TENM2: variants seen among roughly 807,000 people sequenced by gnomAD.
The protein encoded by TENM2 is teneurin transmembrane protein 2.
Under a neutral mutation model 245.2 loss-of-function variants are expected in TENM2, and 52 were observed. That is an observed-to-expected ratio of 0.21 (90% CI 0.17 to 0.27). The LOEUF (loss-of-function observed/expected upper bound fraction) is 0.27, where lower values mean the gene tolerates loss of function less well. Ranked by LOEUF, TENM2 falls within the 10% of genes least tolerant of loss-of-function variation. The pLI is 1.00. For synonymous variants in TENM2, 1,363 were observed against 1,438.9 expected, an observed-to-expected ratio of 0.95 and a Z score of 1.19; for missense variants, 3,046 against 3,666.8, an observed-to-expected ratio of 0.83 and a Z score of 4.37.
At chr5:167,226,900 T>C in the TENM2 span, among the ~76,000 whole-genome samples, 1 of 152,008 alleles carries the variant, frequency 6.6e-6, no homozygotes, top group East Asian at 1.9e-4. Context: ...TATTAGATCC[T>C]CTTGCTGGAT....
chr5:167,037,587 C>T, the TENM2 span, among the ~76,000 whole-genome samples: 2 of 152,146 alleles, frequency 1.3e-5, no homozygotes, highest in East Asian at 3.9e-4. Flanking sequence ...CTGTCTCAGA[C>T]CCTAATTCCT....
intron 10 of TENM2, among the ~76,000 whole-genome samples, chr5:168,119,697 A>T (rs1795336482): frequency 6.6e-6 from 1 of 152,174 alleles, no homozygotes; most frequent in African/African-American, 2.4e-5. Context: ...CTTTTCTCTA[A>T]GTCCATCTCC....
intron 3 of TENM2, among the ~76,000 whole-genome samples, chr5:167,930,160 T>C (rs79439132): frequency 0.017 from 2,622 of 152,320 alleles, 71 homozygotes; most frequent in African/African-American, 0.059. Flanking sequence ...AAAAGATCAA[T>C]TGAGTTTGGC....
At chr5:168,150,341 G>A (rs1408457831) in intron 12 of TENM2, among the ~76,000 whole-genome samples, 2 of 152,166 alleles carry the variant, frequency 1.3e-5, no homozygotes. Context: ...CTCCCTTGGA[G>A]GTCCATTTGT....
intron 2 of TENM2, among the ~76,000 whole-genome samples, chr5:167,518,488 T>C (rs548087063): frequency 6.6e-6 from 1 of 152,172 alleles, no homozygotes; most frequent in Non-Finnish European, 1.5e-5. Context: ...GTCAAAACAA[T>C]TGAATGTTTG....
At chr5:167,211,038 G>A in the TENM2 span, among the ~76,000 whole-genome samples, 1 of 152,234 alleles carries the variant, frequency 6.6e-6, no homozygotes, top group Non-Finnish European at 1.5e-5. Flanking sequence ...TGAAAGGGAG[G>A]GACTCAGGGG....
the TENM2 span, among the ~76,000 whole-genome samples, chr5:167,200,941 T>C: frequency 1.3e-5 from 2 of 152,150 alleles, no homozygotes; most frequent in Non-Finnish European, 2.9e-5. Context: ...ATGAATATTA[T>C]ATCCCAAAGG....
chr5:167,863,854 C>G (rs990429977), intron 2 of TENM2, among the ~76,000 whole-genome samples: 1 of 152,126 alleles, frequency 6.6e-6, no homozygotes, highest in Non-Finnish European at 1.5e-5. Context: ...TTTTCAGATA[C>G]AAGGCAATGA....
In TENM2 at chr5:167,766,665, T is replaced by C. The variant is rs560282094; in HGVS notation, c.503-109321T>C. 8.7e-4 allele frequency among the ~76,000 whole-genome samples: 133 copies of C among 152,048 alleles called. 4 individuals are homozygous for C. The highest frequency in any genetic ancestry group is 8.7e-3 in the Admixed American group (133 of 15,278). ...GCTGAGGCGGGCAGATCACCTGAGG[T>C]CAGGAGTTCGAGACCAGCCTGGCCA... On this transcript the variant is annotated intron_variant, in intron 2 of 28. Coordinates refer to ENST00000518659, the Ensembl canonical transcript of TENM2.
intron 27 of TENM2, among the ~76,000 whole-genome samples, chr5:168,253,747 G>A (rs1425719420): frequency 6.6e-6 from 1 of 152,210 alleles, no homozygotes; most frequent in Non-Finnish European, 1.5e-5. Context: ...TTTATAAGCA[G>A]CTATGGACTT....
the TENM2 span, among the ~76,000 whole-genome samples, chr5:167,141,068 C>T: frequency 2.6e-5 from 4 of 152,092 alleles, no homozygotes; most frequent in South Asian, 4.1e-4. Context: ...GTGCAGTTTG[C>T]GCATTTTTCA....
intron 2 of TENM2, among the ~76,000 whole-genome samples, chr5:167,763,246 T>C (rs1016250076): frequency 2.0e-5 from 3 of 152,238 alleles, no homozygotes; most frequent in African/African-American, 7.2e-5. Flanking sequence ...TTGGTTCATA[T>C]TCCATCCTGT....
At chr5:167,604,108 A>G (rs1776852046) in intron 2 of TENM2, among the ~76,000 whole-genome samples, 1 of 152,222 alleles carries the variant, frequency 6.6e-6, no homozygotes, top group Non-Finnish European at 1.5e-5. Flanking sequence ...ATTTAAAAAG[A>G]TAAAAAGAGG....
At position 168,215,289 on chromosome 5, in the gene TENM2, AAG is replaced by A. The variant is rs1257148184; in HGVS notation, c.4078+20_4078+21del. 1 of 1,601,774 alleles carries A rather than the reference AAG, an allele frequency of 6.2e-7. No individual in the cohort carries two copies. Among genetic ancestry groups the A allele is most frequent in the Admixed American group, 1.7e-5 (1 of 59,996 alleles). On this transcript the variant is annotated intron_variant, in intron 21 of 28. Coordinates refer to ENST00000518659, the Ensembl canonical transcript of TENM2. ...GCCCGAGAGGTAAAGGACATCAAGG[AAG>A]AGTCTCCCGCCCCAGATAAAGCTTT...
intron 13 of TENM2, among the ~76,000 whole-genome samples, chr5:168,168,730 C>T (rs1047563969): frequency 2.0e-5 from 3 of 150,702 alleles, no homozygotes; most frequent in Non-Finnish European, 4.4e-5. Flanking sequence ...TGTTTAGGTC[C>T]TTTGTGAATG....
chr5:167,835,001 T>A (rs1486675407), intron 2 of TENM2, among the ~76,000 whole-genome samples: 1 of 152,182 alleles, frequency 6.6e-6, no homozygotes. Context: ...GAGAAAGATG[T>A]TATAGGCTTT....
At chr5:167,891,350 A>C (rs1162101334) in intron 3 of TENM2, among the ~76,000 whole-genome samples, 1 of 152,126 alleles carries the variant, frequency 6.6e-6, no homozygotes, top group East Asian at 1.9e-4. Flanking sequence ...ACCTCCACTC[A>C]CTGCAGCCTC....
chr5:167,265,998 T>A, the TENM2 span, among the ~76,000 whole-genome samples: 1 of 152,160 alleles, frequency 6.6e-6, no homozygotes, highest in African/African-American at 2.4e-5. Context: ...ACATTCAACA[T>A]ATTTTCTACC....
chr5:167,042,499 G>A, the TENM2 span, among the ~76,000 whole-genome samples: 3 of 152,170 alleles, frequency 2.0e-5, no homozygotes, highest in East Asian at 1.9e-4. Context: ...TATTCAGGAT[G>A]TGTGGAATCA....
Sources: gnomAD v4.1 joint callset for allele counts (sites outside exome capture counted in the v4.1 genomes callset) on GRCh38, gnomAD v4.1.1 for gene constraint, MANE v1.5 for transcripts, NCBI Gene and HGNC (gene_info 2026-07-23, HGNC 2026-07-21) for gene names.